Variants in MCC observed in about 807,000 individuals in gnomAD.
MCC encodes the protein MCC regulator of Wnt signaling pathway.
In MCC, 90 loss-of-function variants were observed where a neutral mutation model predicts 116.2. The observed-to-expected ratio is 0.77, with a 90% CI of 0.65 to 0.92. The LOEUF (loss-of-function observed/expected upper bound fraction) is 0.92, where lower values mean the gene tolerates loss of function less well. Among genes scored for constraint, MCC ranks in the 40% least tolerant of loss-of-function variants. The probability of loss-of-function intolerance (pLI) is 0.00; values close to 1 mark genes in which losing one functional copy is unlikely to be tolerated. For missense variants in MCC, 1,516 were observed against 1,312.2 expected, an observed-to-expected ratio of 1.16 and a Z score of -2.40; for synonymous variants, 578 against 510.5, an observed-to-expected ratio of 1.13 and a Z score of -1.78.
At chr5:113,171,284 T>C (rs908531565) in intron 3 of MCC, among the ~76,000 whole-genome samples, 1 of 151,516 alleles carries the variant, frequency 6.6e-6, no homozygotes, top group African/African-American at 2.4e-5. Flanking sequence ...TGCCCCAAAA[T>C]GTATTAAGCT....
chr5:113,143,427 C>A, intron 4 of MCC, 67 bp from the exon 5 acceptor site: 1 of 1,564,614 alleles, frequency 6.4e-7, no homozygotes, highest in South Asian at 1.1e-5. Context: ...TGATTCCAAG[C>A]TTTGTGGCCT....
intron 6 of MCC, among the ~76,000 whole-genome samples, chr5:113,121,156 C>A (rs1455408714): frequency 6.6e-6 from 1 of 152,216 alleles, no homozygotes; most frequent in Non-Finnish European, 1.5e-5. Flanking sequence ...CCACCCTAAT[C>A]TGAGCAACAA....
At chr5:113,298,150 T>A (rs535080887) in intron 3 of MCC, among the ~76,000 whole-genome samples, 1 of 152,278 alleles carries the variant, frequency 6.6e-6, no homozygotes, top group East Asian at 1.9e-4. Context: ...AGAAAAGTGG[T>A]CTAAGGATAC....
At chr5:113,124,793 G>A (rs1039624722) in intron 5 of MCC, among the ~76,000 whole-genome samples, 5 of 152,208 alleles carry the variant, frequency 3.3e-5, no homozygotes, top group African/African-American at 9.6e-5. Context: ...CAATGTATTT[G>A]AGCACCAAAA....
intron 11 of MCC, among the ~76,000 whole-genome samples, chr5:113,076,099 C>T (rs535104220): frequency 1.8e-4 from 27 of 152,316 alleles, no homozygotes; most frequent in Non-Finnish European, 2.8e-4. Context: ...CGAGGGTCCA[C>T]GGCTTCATTC....
intron 3 of MCC, among the ~76,000 whole-genome samples, chr5:113,303,406 A>G (rs2150365395): frequency 6.6e-6 from 1 of 152,340 alleles, no homozygotes; most frequent in Middle Eastern, 3.4e-3. Context: ...GATTTCTGTA[A>G]ATAGAATCAT....
At chr5:113,404,408 C>T (rs1769775748) in intron 1 of MCC, among the ~76,000 whole-genome samples, 1 of 152,132 alleles carries the variant, frequency 6.6e-6, no homozygotes, top group Non-Finnish European at 1.5e-5. Context: ...GTCCTGGTCA[C>T]AGACAGAAAG....
chr5:113,232,843 G>T (rs1384769854), intron 3 of MCC, among the ~76,000 whole-genome samples: 1 of 152,114 alleles, frequency 6.6e-6, no homozygotes, highest in African/African-American at 2.4e-5. Flanking sequence ...TTAAAGCCAG[G>T]CTCTACCAGT....
intron 3 of MCC, among the ~76,000 whole-genome samples, chr5:113,156,731 A>G (rs1230300710): frequency 6.6e-6 from 1 of 152,184 alleles, no homozygotes; most frequent in African/African-American, 2.4e-5. Context: ...ACATTTCTGG[A>G]GATAAAAGGC....
intron 3 of MCC, among the ~76,000 whole-genome samples, chr5:113,198,241 A>C (rs1762512062): frequency 6.6e-6 from 1 of 152,202 alleles, no homozygotes; most frequent in Non-Finnish European, 1.5e-5. Flanking sequence ...TTTCTGAGCT[A>C]CTTGATAGCA....
intron 2 of MCC, among the ~76,000 whole-genome samples, chr5:113,358,232 A>G (rs1389000826): frequency 6.6e-6 from 1 of 152,194 alleles, no homozygotes; most frequent in African/African-American, 2.4e-5. Context: ...GTCTTTGGTT[A>G]CTGGGTTTGA....
At chr5:113,169,389 G>C (rs980233099) in intron 3 of MCC, among the ~76,000 whole-genome samples, 7 of 152,058 alleles carry the variant, frequency 4.6e-5, no homozygotes, top group African/African-American at 1.7e-4. Flanking sequence ...GCACCCAAAT[G>C]TGTCAAAGCC....
At chr5:113,278,102 C>A (rs889358205) in intron 3 of MCC, among the ~76,000 whole-genome samples, 3 of 152,234 alleles carry the variant, frequency 2.0e-5, no homozygotes, top group African/African-American at 7.2e-5. Flanking sequence ...CCAGCTCCAA[C>A]AGCCATGACA....
chr5:113,029,269 G>T (rs1441248637), intron 17 of MCC, among the ~76,000 whole-genome samples: 2 of 151,608 alleles, frequency 1.3e-5, no homozygotes, highest in African/African-American at 4.9e-5. Context: ...CAATGACAAG[G>T]GCTTTTTAAA....
rs1750601169 is a variant in MCC, at chr5:113,027,106, C to A, written c.*196G>T. On this transcript the variant is annotated 3_prime_UTR_variant, in exon 19 of 19. Transcript: ENST00000408903. ...TGGGCCCAGGAGGGAAGAGCGGGCA[C>A]CTCTGGATACAGTCCACAATGTCAC... The A allele has an allele frequency of 2.5e-5, 15 of 595,386 alleles. No individual in the cohort carries two copies. The East Asian group carries it at 4.2e-4, about 17-fold the overall frequency. 36.9% of individuals were successfully genotyped at this position (595,386 alleles called of 1,614,324 possible). A position where few individuals can be genotyped will look rare whatever the true frequency, so the allele number is the denominator to read the frequency against.
chr5:113,167,292 T>C (rs1319469728), intron 3 of MCC, among the ~76,000 whole-genome samples: 3 of 152,206 alleles, frequency 2.0e-5, no homozygotes, highest in East Asian at 1.9e-4. Flanking sequence ...ATCCTGGCAA[T>C]TGTGACTCAT....
chr5:113,342,759 C>G (rs891153804), intron 2 of MCC, among the ~76,000 whole-genome samples: 4 of 152,210 alleles, frequency 2.6e-5, no homozygotes, highest in African/African-American at 9.6e-5. Context: ...CTGCATGCCT[C>G]TAGCTGCAAG....
intron 12 of MCC, among the ~76,000 whole-genome samples, chr5:113,070,595 G>A (rs1469374756): frequency 6.6e-6 from 1 of 152,118 alleles, no homozygotes; most frequent in Non-Finnish European, 1.5e-5. Flanking sequence ...GATCTTATCT[G>A]CATTAAATTA....
intron 8 of MCC, among the ~76,000 whole-genome samples, chr5:113,092,149 C>T (rs73778918): frequency 8.7e-4 from 132 of 152,224 alleles, no homozygotes; most frequent in African/African-American, 2.5e-3. Flanking sequence ...CCCTAAACCC[C>T]GAGAAATGTA....
Sources: allele counts gnomAD v4.1 joint callset (sites outside exome capture counted in the v4.1 genomes callset), GRCh38; gene constraint gnomAD v4.1.1; transcripts MANE v1.5; gene names NCBI Gene and HGNC (gene_info 2026-07-23, HGNC 2026-07-21).